The following ADAM32 variants were observed in gnomAD, a reference collection of about 807,000 sequenced individuals.
The protein encoded by ADAM32 is ADAM metallopeptidase domain 32.
ADAM32 carries 89 observed loss-of-function variants against 114.9 expected under a neutral mutation model. The ratio of observed to expected loss-of-function variants is 0.77; its 90% CI spans 0.65 to 0.92. The LOEUF is 0.92. Among genes scored for constraint, ADAM32 ranks in the 40% least tolerant of loss-of-function variants. The probability of loss-of-function intolerance (pLI) is 0.00; values close to 1 mark genes in which losing one functional copy is unlikely to be tolerated. For synonymous variants in ADAM32, 285 were observed against 307.5 expected, an observed-to-expected ratio of 0.93 and a Z score of 0.77; for missense variants, 870 against 932.8, an observed-to-expected ratio of 0.93 and a Z score of 0.88.
intron 1 of ADAM32, among the ~76,000 whole-genome samples, chr8:39,115,807 C>G (rs906012249): frequency 2.0e-5 from 3 of 152,086 alleles, no homozygotes; most frequent in Admixed American, 1.3e-4. Flanking sequence ...CATCATGAAA[C>G]CTTTGCCAAG....
intron 17 of ADAM32, among the ~76,000 whole-genome samples, chr8:39,248,175 CT>C (rs773932200): frequency 1.3e-5 from 2 of 152,058 alleles, no homozygotes; most frequent in Non-Finnish European, 2.9e-5. Context: ...TATTCTTGAT[CT>C]TTTGTGCCTC....
intron 19 of ADAM32, among the ~76,000 whole-genome samples, chr8:39,261,138 A>C (rs556927092): frequency 6.6e-6 from 1 of 152,280 alleles, no homozygotes; most frequent in South Asian, 2.1e-4. Context: ...GTCATCCTAC[A>C]GTGATATAAA....
intron 17 of ADAM32, among the ~76,000 whole-genome samples, chr8:39,253,190 G>A (rs1379707018): frequency 6.6e-6 from 1 of 151,540 alleles, no homozygotes; most frequent in Non-Finnish European, 1.5e-5. Context: ...GAAGATGAAA[G>A]ATCAATTTAC....
intron 19 of ADAM32, among the ~76,000 whole-genome samples, chr8:39,267,697 A>T (rs571929044): frequency 1.8e-4 from 27 of 152,248 alleles, no homozygotes; most frequent in Non-Finnish European, 3.7e-4. Context: ...AGGGGTTTTT[A>T]TTTCTAACAC....
chr8:39,126,624 C>G (rs942754806), intron 2 of ADAM32, among the ~76,000 whole-genome samples: 2 of 151,834 alleles, frequency 1.3e-5, no homozygotes, highest in Non-Finnish European at 2.9e-5. Flanking sequence ...ATCTTAAGGA[C>G]AGTTTGACTT....
At chr8:39,261,088 C>T (rs2129450886) in intron 19 of ADAM32, among the ~76,000 whole-genome samples, 1 of 152,178 alleles carries the variant, frequency 6.6e-6, no homozygotes, top group East Asian at 1.9e-4. Flanking sequence ...TCAGTATCCT[C>T]CTTCTAGCTA....
At chr8:39,124,422 T>A (rs1441577995) in intron 2 of ADAM32, among the ~76,000 whole-genome samples, 2 of 151,422 alleles carry the variant, frequency 1.3e-5, no homozygotes, top group Non-Finnish European at 1.5e-5. Flanking sequence ...TTCTTTTTTT[T>A]TTTTTTTATT....
chr8:39,118,192 A>G (rs770235866), intron 2 of ADAM32, 27 bp downstream of exon 2: 45 of 1,277,866 alleles, frequency 3.5e-5, no homozygotes. Context: ...CACAATCTAA[A>G]TGTTTATATG....
chr8:39,169,817 A>T (rs936509090), intron 9 of ADAM32, 99 bp from the exon 10 acceptor site: 18 of 841,052 alleles, frequency 2.1e-5, no homozygotes, highest in Non-Finnish European at 3.2e-5. Context: ...TTTGCTTCAG[A>T]TTTGGATTTT....
At chr8:39,172,848 G>GTATA (rs1459073814) in intron 10 of ADAM32, among the ~76,000 whole-genome samples, 1 of 152,160 alleles carries the variant, frequency 6.6e-6, no homozygotes, top group Non-Finnish European at 1.5e-5. Context: ...ATTCCTTTGG[G>GTATA]TATATACCCA....
At chr8:39,278,657 A>G (rs982602473) in intron 22 of ADAM32, among the ~76,000 whole-genome samples, 1 of 151,348 alleles carries the variant, frequency 6.6e-6, no homozygotes, top group African/African-American at 2.4e-5. Context: ...TATTATTACT[A>G]TTATTATAAT....
At chr8:39,243,987 A>G (rs772513130) in intron 16 of ADAM32, among the ~76,000 whole-genome samples, 15 of 152,316 alleles carry the variant, frequency 9.8e-5, no homozygotes, top group Admixed American at 2.6e-4. Context: ...CTATACACCA[A>G]CAGTGGCCAA....
At chr8:39,208,519 G>A (rs1807997058) in intron 11 of ADAM32, among the ~76,000 whole-genome samples, 2 of 152,118 alleles carry the variant, frequency 1.3e-5, no homozygotes, top group Non-Finnish European at 1.5e-5. Context: ...ATGTGTTCTT[G>A]TTGCACATTA....
intron 12 of ADAM32, among the ~76,000 whole-genome samples, chr8:39,218,008 T>G (rs1250777252): frequency 6.6e-6 from 1 of 152,150 alleles, no homozygotes; most frequent in African/African-American, 2.4e-5. Context: ...GCCATCCTCC[T>G]TGGGAAGGTT....
intron 20 of ADAM32, 131 bp from the exon 21 acceptor site, chr8:39,274,181 C>T (rs1018759715): frequency 2.0e-5 from 17 of 847,168 alleles, no homozygotes; most frequent in East Asian, 1.9e-4. Context: ...GACCTTTGGA[C>T]ATCATTTTAT....
chr8:39,232,250 G>A (rs947565423), intron 15 of ADAM32, 115 bp downstream of exon 15: 2 of 719,336 alleles, frequency 2.8e-6, no homozygotes, highest in African/African-American at 3.7e-5. Flanking sequence ...GTGCATAGGA[G>A]TGAACCTCAA....
chr8:39,179,460 C>T (rs899754244), intron 10 of ADAM32, among the ~76,000 whole-genome samples: 1 of 152,188 alleles, frequency 6.6e-6, no homozygotes, highest in Non-Finnish European at 1.5e-5. Context: ...GATCTCCCGC[C>T]TGGCAGGAAT....
chr8:39,148,384 C>A (rs968280356), intron 4 of ADAM32, among the ~76,000 whole-genome samples: 20 of 152,100 alleles, frequency 1.3e-4, no homozygotes, highest in African/African-American at 4.8e-4. Flanking sequence ...TTTTCATCCT[C>A]ATTTCCTTCA....
At position 39,149,683 on chromosome 8, in the gene ADAM32, C is replaced by T. The variant is rs1041222276; in HGVS notation, c.277-108C>T. ...ACCTTACTTGTACTGATATAAATCA[C>T]GGAGCCTGTGAAAAATATTCAGAAG... On this transcript the variant is annotated intron_variant, in intron 4 of 24. Transcript: ENST00000379907. 79 of 772,190 alleles carry T rather than the reference C, an allele frequency of 1.0e-4. 1 individual carries two copies. The highest frequency in any genetic ancestry group is 1.4e-4 in the Non-Finnish European group (67 of 494,504). 47.8% of individuals were successfully genotyped at this position (772,190 alleles called of 1,614,324 possible). A position where few individuals can be genotyped will look rare whatever the true frequency, so the allele number is the denominator to read the frequency against.
Sources: allele counts gnomAD v4.1 joint callset (sites outside exome capture counted in the v4.1 genomes callset), GRCh38; gene constraint gnomAD v4.1.1; transcripts MANE v1.5; gene names NCBI Gene and HGNC (gene_info 2026-07-23, HGNC 2026-07-21).